Variants in PACRG observed in about 807,000 individuals in gnomAD.
The protein encoded by PACRG is parkin coregulated gene protein.
PACRG carries 29 observed loss-of-function variants against 29.7 expected under a neutral mutation model. The observed-to-expected ratio is 0.98, with a 90% CI of 0.73 to 1.33. The LOEUF (loss-of-function observed/expected upper bound fraction) is 1.33. PACRG is among the 40% of genes most tolerant of loss of function. PACRG has a pLI of 0.00. For synonymous variants in PACRG, 116 were observed against 118.7 expected, an observed-to-expected ratio of 0.98 and a Z score of 0.15; for missense variants, 279 against 316.2, an observed-to-expected ratio of 0.88 and a Z score of 0.89.
At chr6:163,150,097 C>T (rs926357050) in intron 4 of PACRG, among the ~76,000 whole-genome samples, 1 of 152,194 alleles carries the variant, frequency 6.6e-6, no homozygotes, top group Non-Finnish European at 1.5e-5. Flanking sequence ...CGCAAACCGG[C>T]GATGTTCTTC....
intron 1 of PACRG, among the ~76,000 whole-genome samples, chr6:162,781,772 C>T (rs1784111606): frequency 6.6e-6 from 1 of 151,136 alleles, no homozygotes; most frequent in African/African-American, 2.4e-5. Context: ...ATAATTATAG[C>T]TAGTAAGCCA....
At chr6:163,252,737 C>G (rs1371999334) in intron 4 of PACRG, among the ~76,000 whole-genome samples, 1 of 152,200 alleles carries the variant, frequency 6.6e-6, no homozygotes, top group East Asian at 1.9e-4. Context: ...TGGCAAGAAG[C>G]AGATTTAATT....
intron 2 of PACRG, among the ~76,000 whole-genome samples, chr6:162,868,503 C>T (rs1792503746): frequency 6.6e-6 from 1 of 152,224 alleles, no homozygotes; most frequent in African/African-American, 2.4e-5. Flanking sequence ...GTCGTTCCCC[C>T]TTGGGAGTTG....
intron 1 of PACRG, among the ~76,000 whole-genome samples, chr6:162,789,089 A>G (rs1474277233): frequency 1.3e-5 from 2 of 152,160 alleles, no homozygotes; most frequent in Non-Finnish European, 2.9e-5. Flanking sequence ...TAATAAGAAT[A>G]TTAAAGGATT....
intron 4 of PACRG, among the ~76,000 whole-genome samples, chr6:163,292,362 A>T (rs948851061): frequency 6.6e-6 from 1 of 152,140 alleles, no homozygotes; most frequent in Admixed American, 6.5e-5. Context: ...TTCAGAATGG[A>T]GGAGGAATTG....
intron 4 of PACRG, among the ~76,000 whole-genome samples, chr6:163,090,867 T>G (rs528875250): frequency 8.9e-4 from 135 of 152,348 alleles, no homozygotes; most frequent in African/African-American, 3.1e-3. Flanking sequence ...TTAACATTTT[T>G]GAAGTGTGCG....
At chr6:163,203,362 G>A (rs994638794) in intron 4 of PACRG, among the ~76,000 whole-genome samples, 1 of 152,122 alleles carries the variant, frequency 6.6e-6, no homozygotes, top group South Asian at 2.1e-4. Context: ...GCAGTGAGCC[G>A]AGATTGCGCC....
intron 4 of PACRG, among the ~76,000 whole-genome samples, chr6:163,245,388 T>C (rs899406302): frequency 6.6e-6 from 1 of 152,162 alleles, no homozygotes; most frequent in African/African-American, 2.4e-5. Context: ...ATTATCAGAC[T>C]GGGGGTATTT....
At chr6:162,943,332 G>A (rs1047615140) in intron 2 of PACRG, among the ~76,000 whole-genome samples, 1 of 152,190 alleles carries the variant, frequency 6.6e-6, no homozygotes, top group African/African-American at 2.4e-5. Flanking sequence ...GCTGGCTGCT[G>A]TTACCAGGGC....
upstream of PACRG, chr6:162,727,687 G>A (rs1418332385): frequency 5.1e-6 from 8 of 1,572,496 alleles, no homozygotes; most frequent in East Asian, 4.8e-5. Flanking sequence ...GGTAGGTGGC[G>A]GCTGCGGGCC....
At chr6:163,095,458 T>C (rs761991493) in intron 4 of PACRG, 72 of 974,910 alleles carry the variant, frequency 7.4e-5, no homozygotes, top group Non-Finnish European at 8.8e-5. Context: ...TGGAGCCACG[T>C]AACAAATTAC....
At chr6:162,933,570 C>G (rs1036824836) in intron 2 of PACRG, among the ~76,000 whole-genome samples, 5 of 125,068 alleles carry the variant, frequency 4.0e-5, no homozygotes, top group African/African-American at 1.5e-4. Flanking sequence ...CTAAATTTAT[C>G]ATTTTATCAG....
intron 4 of PACRG, among the ~76,000 whole-genome samples, chr6:163,240,435 T>C (rs2128167983): frequency 6.6e-6 from 1 of 152,236 alleles, no homozygotes; most frequent in Admixed American, 6.5e-5. Context: ...ATAAAATCTA[T>C]ACTATTTAAA....
At chr6:163,277,390 T>C (rs981038569) in intron 4 of PACRG, among the ~76,000 whole-genome samples, 12 of 151,992 alleles carry the variant, frequency 7.9e-5, no homozygotes, top group Non-Finnish European at 1.3e-4. Context: ...TCACTTAGAA[T>C]AATAGTCTCC....
chr6:163,293,880 T>C (rs1172688446), intron 4 of PACRG, among the ~76,000 whole-genome samples: 2 of 152,082 alleles, frequency 1.3e-5, no homozygotes, highest in Non-Finnish European at 2.9e-5. Context: ...GAAAAGAAAA[T>C]GGCAATACTA....
Position 162,847,011 on chromosome 6 carries a change from G to A in PACRG, c.291+32730G>A, listed in dbSNP as rs1411018255. On this transcript the variant is annotated intron_variant, in intron 2 of 4. Transcript: ENST00000366888. ...CTGCCCACTGTGCTCCCCACACTGT[G>A]ATGCCCCCCACACTGCCGTGCTCCT... Among the ~76,000 whole-genome samples, 4 of 100,940 alleles carry A rather than the reference G, an allele frequency of 4.0e-5. No individual in the cohort carries two copies. The Admixed American group carries it at 4.6e-4, about 12-fold the overall frequency. 66.2% of individuals were successfully genotyped at this position (100,940 alleles called of 152,430 possible).
intron 2 of PACRG, among the ~76,000 whole-genome samples, chr6:162,910,363 C>T (rs974682230): frequency 1.9e-4 from 29 of 152,172 alleles, no homozygotes; most frequent in African/African-American, 6.8e-4. Context: ...AAGAAGGATA[C>T]AGGGAAATAT....
chr6:163,197,022 T>A (rs5002609), intron 4 of PACRG, among the ~76,000 whole-genome samples: 8,452 of 151,854 alleles, frequency 0.056, 339 homozygotes, highest in Non-Finnish European at 0.087. Flanking sequence ...TATAAATAAA[T>A]ATATGAAGGA....
intron 4 of PACRG, among the ~76,000 whole-genome samples, chr6:163,127,912 G>A (rs1164376891): frequency 6.6e-6 from 1 of 152,162 alleles, no homozygotes; most frequent in Non-Finnish European, 1.5e-5. Flanking sequence ...ATTTTAATAT[G>A]TCTCACTTGT....
Sources: allele counts gnomAD v4.1 joint callset (sites outside exome capture counted in the v4.1 genomes callset), GRCh38; gene constraint gnomAD v4.1.1; transcripts MANE v1.5; gene names NCBI Gene and HGNC (gene_info 2026-07-23, HGNC 2026-07-21).